Variants in DCDC2 observed in about 807,000 individuals in gnomAD.
DCDC2 encodes the protein doublecortin domain containing 2.
In DCDC2, 40 loss-of-function variants were observed where a neutral mutation model predicts 50.2. The observed-to-expected ratio is 0.80, with a 90% CI of 0.62 to 1.04. The LOEUF is 1.04. Ranked by LOEUF, DCDC2 falls within the 50% of genes least tolerant of loss-of-function variation. The pLI is 0.00. For missense variants in DCDC2, 570 were observed against 581.9 expected, an observed-to-expected ratio of 0.98 and a Z score of 0.21; for synonymous variants, 234 against 210.6, an observed-to-expected ratio of 1.11 and a Z score of -0.96.
chr6:24,303,151 T>C (rs1229417204), intron 2 of DCDC2, among the ~76,000 whole-genome samples: 1 of 151,998 alleles, frequency 6.6e-6, no homozygotes, highest in Non-Finnish European at 1.5e-5. Context: ...CTTGACCTTA[T>C]GGCCGCTCTC....
chr6:24,239,768 G>A (rs536622985), intron 7 of DCDC2, among the ~76,000 whole-genome samples: 154 of 152,332 alleles, frequency 1.0e-3, no homozygotes, highest in African/African-American at 3.4e-3. Context: ...CAAGGGTCTA[G>A]AAGAATTAGA....
chr6:24,179,918 T>C (rs375472958), intron 8 of DCDC2, among the ~76,000 whole-genome samples: 92 of 115,522 alleles, frequency 8.0e-4, no homozygotes, highest in East Asian at 2.1e-3. Flanking sequence ...AGTGCTACTG[T>C]ACTCCAGCCT....
rs1760426216 is a variant in DCDC2 at position 24,354,285 on chromosome 6, T to C, written c.294-662A>G. Among the ~76,000 whole-genome samples the C allele has an allele frequency of 3.9e-5, 6 of 152,288 alleles. 1 individual carries two copies. In the South Asian group the frequency reaches 1.2e-3, roughly 32 times the overall value. ...AACTTCACGTGTAATATCACTGTGA[T>C]GTGGTTCCAGTTTTAAATGGTCCCT... On this transcript the variant is annotated intron_variant, in intron 1 of 9. Coordinates refer to ENST00000378454, the MANE Select transcript of DCDC2 (RefSeq NM_016356.5).
chr6:24,305,901 C>A (rs1431759233), intron 2 of DCDC2, among the ~76,000 whole-genome samples: 1 of 151,966 alleles, frequency 6.6e-6, no homozygotes, highest in African/African-American at 2.4e-5. Context: ...TGGTGGTATG[C>A]ACCTGTAATT....
chr6:24,196,373 T>C (rs1200587133), intron 8 of DCDC2, among the ~76,000 whole-genome samples: 2 of 152,168 alleles, frequency 1.3e-5, no homozygotes, highest in Admixed American at 6.5e-5. Flanking sequence ...TGTGTATTTA[T>C]AGATAGGTAG....
chr6:24,174,739 G>T lies in DCDC2; in HGVS notation c.1422C>A (p.Ala474=). 6.2e-7 allele frequency: 1 copy of T among 1,610,706 alleles called. No homozygotes were observed. Among genetic ancestry groups the T allele is most frequent in the Non-Finnish European group, 8.5e-7 (1 of 1,177,654 alleles). Residue 474 remains alanine, a synonymous_variant, in exon 10 of 10, where the codon GCC becomes GCA. Coordinates refer to ENST00000378454, the MANE Select transcript of DCDC2 (RefSeq NM_016356.5). ...TCTTTTTAAAAATGTTCTAAGCCAC[G>T]GCAGCATAGTCCTTGTTTTGTTGGT... The part of the protein sequence containing the change: ...ENNQQNKDYA[A]VA
At chr6:24,337,784 C>CA (rs1272485465) in intron 2 of DCDC2, among the ~76,000 whole-genome samples, 2 of 105,882 alleles carry the variant, frequency 1.9e-5, no homozygotes, top group Non-Finnish European at 3.7e-5. Context: ...GGCCATAGAG[C>CA]AAGACTCCGT....
intron 7 of DCDC2, among the ~76,000 whole-genome samples, chr6:24,223,422 T>A (rs1274203308): frequency 6.6e-6 from 1 of 152,200 alleles, no homozygotes; most frequent in African/African-American, 2.4e-5. Flanking sequence ...TCAAATGGCA[T>A]CCAGAAAGTC....
chr6:24,371,168 T>A, the DCDC2 span, among the ~76,000 whole-genome samples: 4 of 148,406 alleles, frequency 2.7e-5, no homozygotes, highest in African/African-American at 1.0e-4. Context: ...TCCCACCTAC[T>A]CAGGAGGCTG....
intron 5 of DCDC2, among the ~76,000 whole-genome samples, chr6:24,289,200 T>C (rs1048105056): frequency 2.0e-5 from 3 of 152,238 alleles, no homozygotes; most frequent in African/African-American, 7.2e-5. Context: ...TCCCAAAGTG[T>C]CCTATTTGCA....
At chr6:24,203,706 A>G (rs141053623) in intron 8 of DCDC2, among the ~76,000 whole-genome samples, 2,828 of 152,334 alleles carry the variant, frequency 0.019, 36 homozygotes, top group Middle Eastern at 0.041. Context: ...CAGGCAACCT[A>G]CAGAATGGGA....
At chr6:24,323,799 T>C (rs1759811985) in intron 2 of DCDC2, among the ~76,000 whole-genome samples, 1 of 152,184 alleles carries the variant, frequency 6.6e-6, no homozygotes, top group Non-Finnish European at 1.5e-5. Flanking sequence ...ACTTCTGTCA[T>C]TTGCTTACAT....
intron 9 of DCDC2, 47 bp downstream of exon 9, chr6:24,178,283 A>G: frequency 6.4e-7 from 1 of 1,554,204 alleles, no homozygotes; most frequent in Non-Finnish European, 8.8e-7. Context: ...ATGTACACAC[A>G]CACATATTCA....
At chr6:24,278,257 C>T in intron 6 of DCDC2, 46 bp from the exon 7 acceptor site, 1 of 1,528,792 alleles carries the variant, frequency 6.5e-7, no homozygotes, top group Non-Finnish European at 8.9e-7. Flanking sequence ...AATGAACTCT[C>T]AAAAACATTC....
chr6:24,371,332 C>T, the DCDC2 span, among the ~76,000 whole-genome samples: 14 of 148,886 alleles, frequency 9.4e-5, 1 homozygote, highest in South Asian at 2.2e-3. Context: ...GGCTGGATGC[C>T]GTGGCTCACA....
chr6:24,316,947 A>G (rs1466550139), intron 2 of DCDC2, among the ~76,000 whole-genome samples: 1 of 152,016 alleles, frequency 6.6e-6, no homozygotes, highest in Admixed American at 6.6e-5. Context: ...AAAATATTCC[A>G]TGATTACAAC....
At chr6:24,234,459 G>A (rs758792410) in intron 7 of DCDC2, among the ~76,000 whole-genome samples, 5 of 152,108 alleles carry the variant, frequency 3.3e-5, no homozygotes, top group Non-Finnish European at 5.9e-5. Context: ...AGATAACGTT[G>A]GGAACGAGTG....
chr6:24,209,291 T>G (rs777819525), intron 7 of DCDC2, among the ~76,000 whole-genome samples: 1 of 152,224 alleles, frequency 6.6e-6, no homozygotes, highest in Non-Finnish European at 1.5e-5. Flanking sequence ...TTCCCTTTAT[T>G]ACTACTAATT....
intron 2 of DCDC2, among the ~76,000 whole-genome samples, 171 bp from the exon 3 acceptor site, chr6:24,302,215 T>G (rs1759392125): frequency 6.6e-6 from 1 of 151,326 alleles, no homozygotes; most frequent in Non-Finnish European, 1.5e-5. Context: ...TTTAGCAATA[T>G]TATAAGCCCT....
Sources: gnomAD v4.1 joint callset for allele counts (sites outside exome capture counted in the v4.1 genomes callset) on GRCh38, gnomAD v4.1.1 for gene constraint, MANE v1.5 for transcripts, NCBI Gene and HGNC (gene_info 2026-07-23, HGNC 2026-07-21) for gene names.